Variants in PLXNA4 observed in about 807,000 individuals in gnomAD.
The protein encoded by PLXNA4 is plexin-A4.
PLXNA4 carries 44 observed loss-of-function variants against 191.8 expected under a neutral mutation model. The observed-to-expected ratio is 0.23, with a 90% CI of 0.18 to 0.29. The LOEUF (loss-of-function observed/expected upper bound fraction) is 0.29, where lower values mean the gene tolerates loss of function less well. PLXNA4 is among the 10% of genes least tolerant of loss of function. PLXNA4 has a pLI of 1.00. For missense variants in PLXNA4, 1,800 were observed against 2,488.8 expected (o/e 0.72, Z 5.89); for synonymous variants, 1,082 against 1,009.5 (o/e 1.07, Z -1.36).
intron 2 of PLXNA4, among the ~76,000 whole-genome samples, chr7:132,639,724 C>A (rs1490120104): frequency 1.3e-5 from 2 of 152,206 alleles, no homozygotes; most frequent in Non-Finnish European, 2.9e-5. Context: ...TTAAAGTTTT[C>A]ATCTATAGCT....
chr7:132,203,299 TGCTAGGCCC>T lies in PLXNA4; in HGVS notation c.2395+15_2395+23del. 1.8e-6 allele frequency: 2 copies of T among 1,115,190 alleles called. No individual in the cohort carries two copies. The highest frequency in any genetic ancestry group is 2.7e-6 in the Non-Finnish European group (2 of 746,768). 69.1% of individuals were successfully genotyped at this position (1,115,190 alleles called of 1,614,324 possible). Reference sequence around the variant, plus strand: ...ACCCCATCCCTTCCCCTCCCTCCCCTGCTAGGCCCCAGCCCTTCCACACCTTTATTCTGA... The same window carrying T: ...ACCCCATCCCTTCCCCTCCCTCCCCTCAGCCCTTCCACACCTTTATTCTGA... On this transcript the variant is annotated intron_variant, in intron 11 of 31. Coordinates refer to ENST00000321063, the MANE Select transcript of PLXNA4 (RefSeq NM_020911.2).
intron 1 of PLXNA4, among the ~76,000 whole-genome samples, chr7:132,541,470 T>A (rs1444391148): frequency 6.6e-6 from 1 of 152,282 alleles, no homozygotes; most frequent in Non-Finnish European, 1.5e-5. Context: ...GATCTTTGGA[T>A]GCTGATGGAA....
At position 132,181,529 on chromosome 7, in the gene PLXNA4, G is replaced by A; in HGVS notation, c.3344C>T (p.Pro1115Leu). 1 of 1,614,116 alleles carries A rather than the reference G, an allele frequency of 6.2e-7. No homozygotes were observed. Among genetic ancestry groups the A allele is most frequent in the Non-Finnish European group, 8.5e-7 (1 of 1,180,024 alleles). The change falls in exon 18 of 32, where the codon CCC (proline) becomes CTC (leucine). Residue 1115 changes from proline to leucine, a missense_variant. Pro to Leu is a moderately conservative substitution (Grantham distance 98). Around this residue, in one of 6 missense-constraint regions of PLXNA4, gnomAD observed 1,397 missense variants for 1,880.4 expected, o/e 0.74. Coordinates refer to ENST00000321063, the MANE Select transcript of PLXNA4 (RefSeq NM_020911.2). ...PDHQSDLTER[P>L]EEFGFILDNV... ...GTCCAGGATGAAGCCAAACTCCTCG[G>A]GCCTCTCGGTCAGGTCTGACTGGTG...
At chr7:132,513,556 A>G (rs749437612) in intron 1 of PLXNA4, among the ~76,000 whole-genome samples, 6 of 152,176 alleles carry the variant, frequency 3.9e-5, no homozygotes, top group Admixed American at 1.3e-4. Flanking sequence ...ACCTTTTATT[A>G]TGGGGTAATA....
At chr7:132,558,345 T>C (rs1006769191) in intron 1 of PLXNA4, among the ~76,000 whole-genome samples, 3 of 152,222 alleles carry the variant, frequency 2.0e-5, no homozygotes, top group Admixed American at 6.5e-5. Flanking sequence ...CATGTGATAT[T>C]CTGTAAGCTT....
intron 2 of PLXNA4, among the ~76,000 whole-genome samples, chr7:132,610,868 G>A (rs766734586): frequency 6.6e-6 from 1 of 152,214 alleles, no homozygotes; most frequent in East Asian, 1.9e-4. Flanking sequence ...CCTCTTGGAG[G>A]AGCAGAGGTT....
intron 2 of PLXNA4, among the ~76,000 whole-genome samples, chr7:132,502,701 A>G (rs1798304446): frequency 6.6e-6 from 1 of 152,208 alleles, no homozygotes; most frequent in Non-Finnish European, 1.5e-5. Context: ...TACTAATTAC[A>G]TGACCTTGAG....
chr7:132,252,076 T>C (rs1287387387), intron 4 of PLXNA4, among the ~76,000 whole-genome samples: 1 of 152,046 alleles, frequency 6.6e-6, no homozygotes, highest in East Asian at 1.9e-4. Context: ...CTATCTCCTG[T>C]CTCAAGGTAC....
intron 3 of PLXNA4, among the ~76,000 whole-genome samples, chr7:132,401,050 T>C (rs1560769): frequency 0.1 from 15,710 of 152,064 alleles, 1,081 homozygotes; most frequent in African/African-American, 0.19. Context: ...CTAGGGCCTG[T>C]GAAAAAGGGA....
intron 4 of PLXNA4, among the ~76,000 whole-genome samples, chr7:132,267,175 A>C (rs1246435703): frequency 6.6e-6 from 1 of 152,204 alleles, no homozygotes; most frequent in Non-Finnish European, 1.5e-5. Flanking sequence ...TCAGGTAACT[A>C]GGAAACCCTG....
intron 28 of PLXNA4, among the ~76,000 whole-genome samples, chr7:132,146,079 CAAAAAAAAAA>C (rs67412588): frequency 4.1e-5 from 2 of 48,920 alleles, no homozygotes; most frequent in African/African-American, 9.0e-5. Context: ...GACTCTGTCT[CAAAAAAAAAA>C]AAAAAAAAAA....
At chr7:132,203,282 C>T (rs1159879850) in intron 11 of PLXNA4, 41 bp downstream of exon 11, 3 of 1,555,784 alleles carry the variant, frequency 1.9e-6, no homozygotes, top group Admixed American at 1.7e-5. Flanking sequence ...CTACCCCATC[C>T]CTTCCCCTCC....
chr7:132,404,227 A>G (rs1048000803), intron 3 of PLXNA4, among the ~76,000 whole-genome samples: 1 of 152,182 alleles, frequency 6.6e-6, no homozygotes, highest in African/African-American at 2.4e-5. Context: ...GAGGCTACAC[A>G]CAATGCCACC....
At chr7:132,189,027 A>G (rs1319863669) in intron 14 of PLXNA4, among the ~76,000 whole-genome samples, 1,467 of 93,314 alleles carry the variant, frequency 0.016, 55 homozygotes, top group African/African-American at 0.059. Flanking sequence ...AGAGAGAGAG[A>G]GAAAGAGAGA....
intron 29 of PLXNA4, 105 bp from the exon 30 acceptor site, chr7:132,140,916 G>GAACTT: frequency 1.3e-6 from 2 of 1,518,788 alleles, no homozygotes; most frequent in Non-Finnish European, 1.8e-6. Flanking sequence ...GGAACTAATA[G>GAACTT]AACTTAAGAG....
At chr7:132,198,367 G>T (rs998870991) in intron 13 of PLXNA4, 118 bp downstream of exon 13, 1 of 1,410,602 alleles carries the variant, frequency 7.1e-7, no homozygotes, top group African/African-American at 1.4e-5. Flanking sequence ...TATTGGGGTG[G>T]TTCTCCTTTT....
chr7:132,587,469 A>C (rs1274009110), intron 2 of PLXNA4, among the ~76,000 whole-genome samples: 1 of 152,240 alleles, frequency 6.6e-6, no homozygotes, highest in Non-Finnish European at 1.5e-5. Context: ...GGCAGAAACC[A>C]GGGGACACTC....
chr7:132,187,425 T>G, intron 15 of PLXNA4, 46 bp downstream of exon 15: 1 of 1,591,958 alleles, frequency 6.3e-7, no homozygotes, highest in Non-Finnish European at 8.6e-7. Context: ...TTTACCTGTC[T>G]AACCTTTCCC....
intron 1 of PLXNA4, among the ~76,000 whole-genome samples, chr7:132,540,094 G>C (rs1011035373): frequency 6.6e-6 from 1 of 152,138 alleles, no homozygotes. Context: ...TGCTCCTCTT[G>C]CACTGTGTAA....
Sources: gnomAD v4.1 joint callset for allele counts (sites outside exome capture counted in the v4.1 genomes callset) on GRCh38, gnomAD v4.1.1 for gene constraint, gnomAD v4.1.1 regional missense constraint, MANE v1.5 for transcripts, NCBI Gene and HGNC (gene_info 2026-07-23, HGNC 2026-07-21) for gene names.